The following KIF7 variants were observed in gnomAD, a reference collection of about 807,000 sequenced individuals.
The protein encoded by KIF7 is kinesin-like protein KIF7.
A neutral mutation model predicts 135.7 loss-of-function variants in KIF7; 104 were observed. The observed-to-expected ratio is 0.77, with a 90% CI of 0.65 to 0.90. KIF7 has a LOEUF of 0.90. KIF7 is among the 40% of genes least tolerant of loss of function. The pLI is 0.00. For missense variants in KIF7, 2,005 were observed against 1,839.1 expected, an observed-to-expected ratio of 1.09 and a Z score of -1.65; for synonymous variants, 883 against 809.4, an observed-to-expected ratio of 1.09 and a Z score of -1.54.
chr15:89,626,188 C>T, downstream of KIF7: 1 of 1,024,986 alleles, frequency 9.8e-7, no homozygotes, highest in Non-Finnish European at 1.4e-6. Flanking sequence ...GACTTCGCGC[C>T]TACAGCGTCA....
chr15:89,619,687 A>C, intron 1 of KIF7: 1 of 1,593,582 alleles, frequency 6.3e-7, no homozygotes, highest in Non-Finnish European at 8.5e-7. Flanking sequence ...TTGGTTACTT[A>C]CTGTGGTTCT....
Position 89,633,871 on chromosome 15 carries a change from TCTC to T in KIF7, c.2404_2406del (p.Glu802del), listed in dbSNP as rs1441527139. On this transcript the variant is annotated inframe_deletion, in exon 12 of 19. Coordinates refer to ENST00000394412, the MANE Select transcript of KIF7 (RefSeq NM_198525.3). ...ACCAGCCGCTCCGTAGCCTGCTTCT[TCTC>T]CTTCAGCACCTGGGACCCACACAGT... The T allele has an allele frequency of 4.3e-6, 7 of 1,613,754 alleles. No homozygotes were observed. The highest frequency in any genetic ancestry group is 4.5e-5 in the East Asian group (2 of 44,866).
intron 11 of KIF7, among the ~76,000 whole-genome samples, chr15:89,641,402 A>C (rs1963917604): frequency 6.6e-6 from 1 of 152,166 alleles, no homozygotes; most frequent in Non-Finnish European, 1.5e-5. Flanking sequence ...GAAGTTTGCT[A>C]TGGCAGCTGT....
At chr15:89,660,292 C>A (rs1190168136), upstream of KIF7, among the ~76,000 whole-genome samples, 4 of 152,234 alleles carry the variant, frequency 2.6e-5, no homozygotes, top group African/African-American at 7.2e-5. Context: ...GGATCTACTT[C>A]CCCTCCATTT....
rs1480416578 is a variant in KIF7, at chr15:89,633,686, C to T, written c.2592G>A (p.Lys864=). The T allele has an allele frequency of 1.2e-6, 2 of 1,606,600 alleles. No individual in the cohort carries two copies. The highest frequency in any genetic ancestry group is 1.7e-6 in the Non-Finnish European group (2 of 1,179,764). ...AEMSKRQHRV[K]ELELKHEQQQ... ...GTCCCCACCCTGCCGTGAGCCTGAC[C>T]TTGACGCGGTGCTGCCGCTTGCTCA... is the stretch of plus-strand genomic sequence containing the variant. Residue 864 remains lysine, a splice_region_variant and synonymous_variant, in exon 12 of 19, where the codon AAG becomes AAA. Coordinates refer to ENST00000394412, the MANE Select transcript of KIF7 (RefSeq NM_198525.3).
chr15:89,636,813 T>G (rs1324977913), intron 11 of KIF7, among the ~76,000 whole-genome samples: 1 of 145,756 alleles, frequency 6.9e-6, no homozygotes, highest in Non-Finnish European at 1.5e-5. Flanking sequence ...TGAACTCAGC[T>G]CTGCACCAAG....
chr15:89,648,431 AGAGGCTGTAG>A lies in KIF7; in HGVS notation c.1257_1266del (p.Tyr420CysfsTer32). 1 of 1,112,188 alleles carries A rather than the reference AGAGGCTGTAG, an allele frequency of 9.0e-7. No individual in the cohort carries two copies. The highest frequency in any genetic ancestry group is 1.1e-6 in the Non-Finnish European group (1 of 911,320). The allele number at this position is 1,112,188 out of a possible 1,614,324, so 68.9% of individuals were successfully genotyped here. On this transcript the variant is annotated frameshift_variant, in exon 5 of 19. Coordinates refer to ENST00000394412, the MANE Select transcript of KIF7 (RefSeq NM_198525.3). LOFTEE classifies it high-confidence loss of function. ...CCGGGCTCGGCCTGCAGCTCGCGCAAGAGGCTGTAGGCGGCGTCGGTGCAGGCCCGGTAGC... is the reference window on the plus strand; with the variant it reads ...CCGGGCTCGGCCTGCAGCTCGCGCAAGCGGCGTCGGTGCAGGCCCGGTAGC...
In KIF7 at chr15:89,649,756, C is replaced by T; in HGVS notation, c.514G>A (p.Glu172Lys). 3.9e-6 allele frequency: 6 copies of T among 1,551,908 alleles called. No individual in the cohort carries two copies. Among genetic ancestry groups the T allele is most frequent in the Non-Finnish European group, 5.2e-6 (6 of 1,147,032 alleles). ...AGTTCCTCACCAACATTCCCGCGCTCATCTTCCCGGAGCTGGATGTCACGG... is the reference window on the plus strand; with the variant it reads ...AGTTCCTCACCAACATTCCCGCGCTTATCTTCCCGGAGCTGGATGTCACGG... ...ASRDIQLRED[E>K]RGNVVLCGVK... The change falls in exon 3 of 19, where the codon GAG becomes AAG. Residue 172 changes from glutamate (E) to lysine (K), a missense_variant. Physicochemically the swap from Glu to Lys is moderately conservative, Grantham distance 56 (BLOSUM62 1). Transcript: ENST00000394412.
chr15:89,641,632 T>G (rs1468711998), intron 11 of KIF7, among the ~76,000 whole-genome samples: 1 of 152,068 alleles, frequency 6.6e-6, no homozygotes, highest in African/African-American at 2.4e-5. Flanking sequence ...AGAAACCCCG[T>G]CTTTACTAAA....
chr15:89,626,183 C>T (rs753718534), downstream of KIF7: 2 of 1,111,426 alleles, frequency 1.8e-6, no homozygotes, highest in Non-Finnish European at 1.3e-6. Context: ...TAGGTGACTT[C>T]GCGCCTACAG....
At position 89,628,397 on chromosome 15, in the gene KIF7, A is replaced by C; in HGVS notation, c.*22T>G. 6.3e-7 allele frequency: 1 copy of C among 1,588,678 alleles called. No homozygotes were observed. Among genetic ancestry groups the C allele is most frequent in the Non-Finnish European group, 8.6e-7 (1 of 1,168,146 alleles). On this transcript the variant is annotated 3_prime_UTR_variant, in exon 19 of 19. Transcript: ENST00000394412. ...TCAGCAGGCTCGGAGTCTCCCTCCA[A>C]GGCAGGGTCTGCCCCGAGGGCTTAC... is the stretch of plus-strand genomic sequence containing the variant.
intron 2 of KIF7, 81 bp from the exon 3 acceptor site, chr15:89,650,022 T>C: frequency 7.3e-7 from 1 of 1,368,792 alleles, no homozygotes; most frequent in Non-Finnish European, 1.0e-6. Flanking sequence ...CATAGGCCCC[T>C]GCCAGAGCTG....
downstream of KIF7, chr15:89,624,033 C>T: frequency 1.9e-6 from 3 of 1,614,024 alleles, no homozygotes; most frequent in Non-Finnish European, 2.5e-6. Context: ...GAGAGTGTCT[C>T]ACTCCCATCA....
chr15:89,649,323 C>A lies in KIF7; in HGVS notation c.574G>T (p.Val192Leu). The A allele has an allele frequency of 6.8e-7, 1 of 1,478,304 alleles. No homozygotes were observed. The highest frequency in any genetic ancestry group is 9.0e-7 in the Non-Finnish European group (1 of 1,109,322). The allele number at this position is 1,478,304 out of a possible 1,614,324, so 91.6% of individuals were successfully genotyped here. Residue 192 changes from valine to leucine, a missense_variant, in exon 4 of 19, where the codon GTG (valine) becomes TTG (leucine). Val to Leu is a conservative substitution (Grantham distance 32). Transcript: ENST00000394412. ...TTGCCCATCTCCAGGAGGCTCAGCA[C>A]CTCATCCAGGCCCTCCACGTCGACC... ...KEVDVEGLDE[V>L]LSLLEMGNAA...
chr15:89,646,763 C>G (rs1964019938), intron 7 of KIF7, 67 bp downstream of exon 7: 1 of 1,468,296 alleles, frequency 6.8e-7, no homozygotes, highest in African/African-American at 1.4e-5. Flanking sequence ...CCAGTGCCCC[C>G]TTCCCCTGCC....
At chr15:89,620,160 C>T (rs750602002) in intron 1 of KIF7, among the ~76,000 whole-genome samples, 3 of 152,008 alleles carry the variant, frequency 2.0e-5, no homozygotes, top group Non-Finnish European at 1.5e-5. Context: ...TCTGTGTTTA[C>T]GTTCTTCATT....
At chr15:89,660,673 A>C in the KIF7 span, among the ~76,000 whole-genome samples, 1 of 152,156 alleles carries the variant, frequency 6.6e-6, no homozygotes, top group African/African-American at 2.4e-5. Context: ...AACTCCTATC[A>C]CTGTGTGCTA....
At chr15:89,634,435 A>C (rs2142003836) in intron 11 of KIF7, among the ~76,000 whole-genome samples, 1 of 152,292 alleles carries the variant, frequency 6.6e-6, no homozygotes, top group South Asian at 2.1e-4. Context: ...CTCACTAGGG[A>C]GTGCCAGACA....
chr15:89,622,993 C>G (rs554338281), downstream of KIF7, among the ~76,000 whole-genome samples: 1 of 152,214 alleles, frequency 6.6e-6, no homozygotes, highest in Non-Finnish European at 1.5e-5. Flanking sequence ...GCCAGCTAGA[C>G]TGAGAGTCCC....
Sources: gnomAD v4.1 joint callset for allele counts (sites outside exome capture counted in the v4.1 genomes callset) on GRCh38, gnomAD v4.1.1 for gene constraint, MANE v1.5 for transcripts, NCBI Gene and HGNC (gene_info 2026-07-23, HGNC 2026-07-21) for gene names.